ATP8B4: variants seen among roughly 807,000 people sequenced by gnomAD.
ATP8B4 encodes the protein ATPase phospholipid transporting 8B4 (putative), also known as probable phospholipid-transporting ATPase IM.
A neutral mutation model predicts 145.6 loss-of-function variants in ATP8B4; 133 were observed. The observed-to-expected ratio is 0.91, with a 90% confidence interval of 0.79 to 1.05. The LOEUF (loss-of-function observed/expected upper bound fraction) is 1.05. Ranked by LOEUF, ATP8B4 falls within the 50% of genes least tolerant of loss-of-function variation. The probability of loss-of-function intolerance (pLI) is 0.00; values close to 1 mark genes in which losing one functional copy is unlikely to be tolerated. For synonymous variants in ATP8B4, 507 were observed against 492.9 expected (o/e 1.03, Z -0.38); for missense variants, 1,458 against 1,425.2 (o/e 1.02, Z -0.37).
intron 1 of ATP8B4, among the ~76,000 whole-genome samples, chr15:50,159,972 G>A (rs143122441): frequency 0.018 from 2,247 of 121,924 alleles, 17 homozygotes; most frequent in Non-Finnish European, 0.027. Flanking sequence ...ATTGATATTG[G>A]TTCTTCTTTA....
At chr15:49,866,318 G>A (rs202104130) in intron 26 of ATP8B4, 28 bp downstream of exon 26, 2 of 1,608,510 alleles carry the variant, frequency 1.2e-6, no homozygotes, top group Non-Finnish European at 1.7e-6. Flanking sequence ...CAGACACTAG[G>A]TTCCACTAGT....
intron 2 of ATP8B4, among the ~76,000 whole-genome samples, chr15:50,094,324 A>G (rs2055813613): frequency 6.6e-6 from 1 of 152,126 alleles, no homozygotes. Flanking sequence ...GACTCAAACT[A>G]AAACATTGGC....
At chr15:49,946,602 CT>C (rs147632337) in intron 14 of ATP8B4, among the ~76,000 whole-genome samples, 7,177 of 145,996 alleles carry the variant, frequency 0.049, 183 homozygotes, top group South Asian at 0.093. Flanking sequence ...CTAATTAATC[CT>C]TTTTTTTTTT....
At chr15:49,883,471 C>T (rs182102978) in intron 23 of ATP8B4, 14 of 152,260 alleles carry the variant, frequency 9.2e-5, no homozygotes, top group Non-Finnish European at 1.3e-4. Flanking sequence ...AGTTTTGCTG[C>T]CACTCAGTGT....
At chr15:50,110,141 T>C (rs1280256368) in intron 1 of ATP8B4, among the ~76,000 whole-genome samples, 1 of 152,222 alleles carries the variant, frequency 6.6e-6, no homozygotes, top group Non-Finnish European at 1.5e-5. Context: ...ATAATCACTA[T>C]TGCATGAAAT....
chr15:50,065,693 T>C (rs1230810999), intron 3 of ATP8B4, among the ~76,000 whole-genome samples: 1 of 152,140 alleles, frequency 6.6e-6, no homozygotes, highest in Admixed American at 6.6e-5. Context: ...AGAGCAAAAT[T>C]CTGCCATCAA....
At position 49,881,496 on chromosome 15, in the gene ATP8B4, T is replaced by G. The variant is rs115001666; in HGVS notation, c.2698-2037A>C. Among the ~76,000 whole-genome samples the G allele has an allele frequency of 4.7e-3, 713 of 152,294 alleles. 4 individuals carry two copies. Among genetic ancestry groups the G allele is most frequent in the African/African-American group, 0.016 (683 of 41,536 alleles). ...CAGTTCCAAGATACCACAGCCTAGG[T>G]CCATGCTGGGAGCAAAGTGATACAA... On this transcript the variant is annotated intron_variant, in intron 23 of 27. Coordinates refer to ENST00000284509, the MANE Select transcript of ATP8B4 (RefSeq NM_024837.4).
Position 50,002,187 on chromosome 15 carries a change from C to T in ATP8B4, c.472G>A (p.Gly158Ser). The T allele has an allele frequency of 6.2e-7, 1 of 1,611,068 alleles. No homozygotes were observed. Among genetic ancestry groups the T allele is most frequent in the Non-Finnish European group, 8.5e-7 (1 of 1,178,072 alleles). Residue 158 changes from glycine (G) to serine (S), a missense_variant, in exon 8 of 28, where the codon GGT becomes AGT. Transcript: ENST00000284509. The part of the protein sequence containing the change: ...LLLLSSSEPH[G>S]LCYVETAELD... ...TCAGCAGTTTCAACATAACAGAGAC[C>T]ATGTGGCTCACTACTTGATAGGAGA...
chr15:50,008,212 C>A (rs191290971), intron 7 of ATP8B4, among the ~76,000 whole-genome samples: 168 of 152,270 alleles, frequency 1.1e-3, no homozygotes, highest in Admixed American at 2.1e-3. Flanking sequence ...TCTCTGCACA[C>A]AGGTGCAGCT....
intron 18 of ATP8B4, among the ~76,000 whole-genome samples, chr15:49,919,751 C>G (rs1304159455): frequency 3.3e-5 from 5 of 152,116 alleles, no homozygotes; most frequent in East Asian, 1.9e-4. Flanking sequence ...AAAGCATACT[C>G]TCTAGTACCT....
chr15:50,039,974 C>T (rs1567244366), intron 5 of ATP8B4, among the ~76,000 whole-genome samples: 1 of 152,200 alleles, frequency 6.6e-6, no homozygotes, highest in Non-Finnish European at 1.5e-5. Context: ...AATTAAGTCA[C>T]ACGTCACCCA....
chr15:50,002,148 C>T lies in ATP8B4; in HGVS notation c.506+5G>A, dbSNP rs1183269297. On this transcript the variant is annotated splice_donor_5th_base_variant and intron_variant, in intron 8 of 27. Transcript: ENST00000284509. ...AACCAAATTATTCTAATTTTAATAACTTACCCATCAAGCTCAGCAGTTTCA... is the reference window on the plus strand; with the variant it reads ...AACCAAATTATTCTAATTTTAATAATTTACCCATCAAGCTCAGCAGTTTCA... The T allele has an allele frequency of 6.3e-7, 1 of 1,598,810 alleles. No individual in the cohort carries two copies.
chr15:49,967,746 A>T (rs1261407150), intron 13 of ATP8B4, among the ~76,000 whole-genome samples: 3 of 152,238 alleles, frequency 2.0e-5, no homozygotes, highest in African/African-American at 7.2e-5. Flanking sequence ...GAGGCAGGCC[A>T]ACATTCAAAT....
At chr15:49,985,100 AT>A (rs11314773) in intron 10 of ATP8B4, among the ~76,000 whole-genome samples, 56,672 of 145,672 alleles carry the variant, frequency 0.39, 11,856 homozygotes, top group African/African-American at 0.6. Context: ...TTCATTTTGG[AT>A]TTTTTTTTTT....
intron 1 of ATP8B4, among the ~76,000 whole-genome samples, chr15:50,179,169 T>C (rs2044807888): frequency 6.6e-6 from 1 of 152,192 alleles, no homozygotes; most frequent in African/African-American, 2.4e-5. Context: ...TTTTAAAATA[T>C]TTAATACCTA....
At chr15:50,056,681 A>ATATATG (rs1472181144) in intron 3 of ATP8B4, among the ~76,000 whole-genome samples, 1 of 148,494 alleles carries the variant, frequency 6.7e-6, no homozygotes, top group South Asian at 2.1e-4. Context: ...ACTATACACA[A>ATATATG]TATATGTATA....
intron 23 of ATP8B4, among the ~76,000 whole-genome samples, chr15:49,889,210 C>G (rs1410830864): frequency 6.6e-6 from 1 of 152,064 alleles, no homozygotes; most frequent in African/African-American, 2.4e-5. Flanking sequence ...GAAGTGGGAG[C>G]CAGGAGACTT....
At chr15:50,060,850 C>A (rs1263385317) in intron 3 of ATP8B4, among the ~76,000 whole-genome samples, 1 of 152,138 alleles carries the variant, frequency 6.6e-6, no homozygotes, top group Non-Finnish European at 1.5e-5. Context: ...GCTGGTCTGT[C>A]TGTGGACCAC....
At chr15:50,120,353 G>T (rs1379077450), upstream of ATP8B4, among the ~76,000 whole-genome samples, 1 of 152,150 alleles carries the variant, frequency 6.6e-6, no homozygotes, top group Non-Finnish European at 1.5e-5. Context: ...ACAGCTTAGA[G>T]CAGGAAGCAA....
Sources: allele counts gnomAD v4.1 joint callset (sites outside exome capture counted in the v4.1 genomes callset), GRCh38; gene constraint gnomAD v4.1.1; transcripts MANE v1.5; gene names NCBI Gene and HGNC (gene_info 2026-07-23, HGNC 2026-07-21).